FUT8: variants seen among roughly 807,000 people sequenced by gnomAD.
The protein encoded by FUT8 is fucosyltransferase 8.
FUT8 carries 29 observed loss-of-function variants against 71.3 expected under a neutral mutation model. The ratio of observed to expected loss-of-function variants is 0.41; its 90% confidence interval spans 0.30 to 0.55. FUT8 has a LOEUF of 0.55. Among genes scored for constraint, FUT8 ranks in the 20% least tolerant of loss-of-function variants. FUT8 has a pLI of 0.34. For synonymous variants in FUT8, 254 were observed against 239.3 expected, an observed-to-expected ratio of 1.06 and a Z score of -0.57; for missense variants, 544 against 702.1, an observed-to-expected ratio of 0.77 and a Z score of 2.55.
intron 10 of FUT8, among the ~76,000 whole-genome samples, chr14:65,733,913 T>C (rs1896097412): frequency 6.6e-6 from 1 of 152,200 alleles, no homozygotes; most frequent in African/African-American, 2.4e-5. Flanking sequence ...TCACAATCTT[T>C]GTTTGAATTT....
intron 1 of FUT8, among the ~76,000 whole-genome samples, chr14:65,439,991 T>TAC (rs1491251493): frequency 5.6e-4 from 75 of 134,252 alleles, no homozygotes; most frequent in African/African-American, 8.4e-4. Flanking sequence ...TATATATATA[T>TAC]GTACACACAC....
chr14:65,656,988 A>G (rs1284638838), intron 6 of FUT8, among the ~76,000 whole-genome samples: 3 of 152,202 alleles, frequency 2.0e-5, no homozygotes, highest in Admixed American at 2.0e-4. Context: ...CTCTCACCAT[A>G]TACGCAAATC....
At chr14:65,425,749 A>G (rs1426152987) in intron 1 of FUT8, among the ~76,000 whole-genome samples, 1 of 152,022 alleles carries the variant, frequency 6.6e-6, no homozygotes, top group African/African-American at 2.4e-5. Flanking sequence ...AGGTTGAGGC[A>G]GGCGGATCAT....
chr14:65,561,756 G>T lies in FUT8; in HGVS notation c.193G>T (p.Glu65Ter). The T allele has an allele frequency of 6.2e-7, 1 of 1,612,408 alleles. No homozygotes were observed. Among genetic ancestry groups the T allele is most frequent in the South Asian group, 1.1e-5 (1 of 91,014 alleles). The change falls in exon 3 of 11, where the codon GAA becomes TAA. Residue 65 changes from glutamate (E) to a stop codon, truncating the protein, a stop_gained. Transcript: ENST00000673929. LOFTEE classifies it high-confidence loss of function. The part of the protein sequence containing the change: ...QQNEDLRRMA[E>*]SLRIPEGPID... ...GAATGAAGACTTGAGGCGAATGGCC[G>T]AATCTCTCCGGTAGGTCCTAAAATA...
rs545156868 is a variant in FUT8, at chr14:65,603,837, T to C, written c.204-12141T>C. On this transcript the variant is annotated intron_variant, in intron 3 of 10. Coordinates refer to ENST00000673929, the MANE Select transcript of FUT8 (RefSeq NM_001371533.1). This position sits in a 1 kb window ranked among gnomAD's most constrained non-coding sequence, Gnocchi z 4.5. ...ACAGAATTGCAGAATGGATTCGAAT[T>C]CACAAACCAAGCATCTGCTGCCTTC... Among the ~76,000 whole-genome samples the C allele has an allele frequency of 1.3e-5, 2 of 151,904 alleles. No homozygotes were observed. The highest frequency in any genetic ancestry group is 4.8e-5 in the African/African-American group (2 of 41,506).
chr14:65,498,401 A>G (rs1006893230), intron 2 of FUT8, among the ~76,000 whole-genome samples: 1 of 152,122 alleles, frequency 6.6e-6, no homozygotes, highest in Non-Finnish European at 1.5e-5. Flanking sequence ...AATAATTCTT[A>G]TGGGTTAAGT....
chr14:65,616,464 G>C, intron 5 of FUT8, 91 bp downstream of exon 5: 1 of 1,133,642 alleles, frequency 8.8e-7, no homozygotes, highest in Non-Finnish European at 1.2e-6. Flanking sequence ...CTGTTGAGTG[G>C]TAAATATTAA....
intron 3 of FUT8, among the ~76,000 whole-genome samples, chr14:65,566,037 A>C (rs938237006): frequency 2.0e-5 from 3 of 151,924 alleles, no homozygotes; most frequent in Non-Finnish European, 4.4e-5. Flanking sequence ...GGTTAACTTC[A>C]GCTAGGCTTT....
At chr14:65,677,918 C>T (rs1892847630) in intron 7 of FUT8, among the ~76,000 whole-genome samples, 1 of 152,172 alleles carries the variant, frequency 6.6e-6, no homozygotes, top group African/African-American at 2.4e-5. Context: ...AGAGACTTCA[C>T]TAGATCCATG....
intron 10 of FUT8, among the ~76,000 whole-genome samples, chr14:65,739,808 G>T (rs1294459391): frequency 6.6e-6 from 1 of 152,050 alleles, no homozygotes; most frequent in Non-Finnish European, 1.5e-5. Flanking sequence ...GTTCCAACCT[G>T]AATTTACCAC....
chr14:65,678,772 A>G (rs570651101), intron 7 of FUT8, among the ~76,000 whole-genome samples: 109 of 152,198 alleles, frequency 7.2e-4, no homozygotes, highest in African/African-American at 2.6e-3. Flanking sequence ...CTTTTTTTCT[A>G]AACACTGCAA....
At chr14:65,426,066 C>T (rs766792755) in intron 1 of FUT8, among the ~76,000 whole-genome samples, 21 of 152,028 alleles carry the variant, frequency 1.4e-4, no homozygotes, top group Non-Finnish European at 2.8e-4. Context: ...TTAGATCTCT[C>T]GAACTTACTC....
intron 1 of FUT8, among the ~76,000 whole-genome samples, chr14:65,420,213 G>T (rs1245007536): frequency 6.6e-6 from 1 of 152,126 alleles, no homozygotes; most frequent in African/African-American, 2.4e-5. Context: ...AATTACCAAA[G>T]AAGTCTATTT....
At chr14:65,622,917 T>TTG (rs1889697904) in intron 5 of FUT8, among the ~76,000 whole-genome samples, 1 of 149,368 alleles carries the variant, frequency 6.7e-6, no homozygotes, top group Non-Finnish European at 1.5e-5. Flanking sequence ...TCTGTTTTTT[T>TTG]TTTTTTTTTT....
rs534667584 is a variant in FUT8 at position 65,576,613 on chromosome 14, C to T, written c.203+14847C>T. Among the ~76,000 whole-genome samples, 7 of 146,462 alleles carry T rather than the reference C, an allele frequency of 4.8e-5. No homozygotes were observed. The East Asian group carries it at 1.0e-3, about 21-fold the overall frequency. The stretch of plus-strand genomic sequence containing the variant: ...GTGCAATCATGGCTCACTGCAGCTT[C>T]GATCTGCTGGGCTCAAGCGATCCTC... On this transcript the variant is annotated intron_variant, in intron 3 of 10. Coordinates refer to ENST00000673929, the MANE Select transcript of FUT8 (RefSeq NM_001371533.1).
At chr14:65,635,104 TA>T (rs1336051191) in intron 6 of FUT8, among the ~76,000 whole-genome samples, 1 of 152,162 alleles carries the variant, frequency 6.6e-6, no homozygotes, top group African/African-American at 2.4e-5. Flanking sequence ...TTGCGGCTTT[TA>T]TAAAAGGGGT....
At chr14:65,495,183 T>TTAAAAAAAAAAAAAACCC (rs2066540144) in intron 2 of FUT8, among the ~76,000 whole-genome samples, 1 of 75,268 alleles carries the variant, frequency 1.3e-5, no homozygotes, top group African/African-American at 4.4e-5. Context: ...TGCTTTTCCC[T>TTAAAAAAAAAAAAAACCC]TAAAAAAAAA....
intron 5 of FUT8, among the ~76,000 whole-genome samples, chr14:65,622,497 A>G (rs764563728): frequency 1.3e-5 from 2 of 152,320 alleles, no homozygotes; most frequent in Middle Eastern, 3.4e-3. Flanking sequence ...AACTAAATGT[A>G]AGCCTAGTGA....
chr14:65,592,057 T>C (rs901056240), intron 3 of FUT8, among the ~76,000 whole-genome samples: 24 of 152,136 alleles, frequency 1.6e-4, no homozygotes, highest in African/African-American at 5.5e-4. Context: ...GAAAGTTTCT[T>C]ATTAACTGAG....
Sources: gnomAD v4.1 joint callset for allele counts (sites outside exome capture counted in the v4.1 genomes callset) on GRCh38, gnomAD v4.1.1 for gene constraint, Gnocchi (gnomAD v3.1) non-coding constraint, MANE v1.5 for transcripts, NCBI Gene and HGNC (gene_info 2026-07-23, HGNC 2026-07-21) for gene names.